ITSN1: variants seen among roughly 807,000 people sequenced by gnomAD.
ITSN1 encodes the protein intersectin-1.
Under a neutral mutation model 239.8 loss-of-function variants are expected in ITSN1, and 58 were observed. The ratio of observed to expected loss-of-function variants is 0.24; its 90% CI spans 0.20 to 0.30. The LOEUF is 0.30. Ranked by LOEUF, ITSN1 falls within the 10% of genes least tolerant of loss-of-function variation. ITSN1 has a pLI of 1.00. For missense variants in ITSN1, 1,558 were observed against 2,103.3 expected (o/e 0.74, Z 5.07); for synonymous variants, 780 against 770.8 (o/e 1.01, Z -0.20).
At chr21:33,804,724 G>C (rs1397754327) in intron 20 of ITSN1, among the ~76,000 whole-genome samples, 3 of 152,160 alleles carry the variant, frequency 2.0e-5, no homozygotes, top group Admixed American at 6.5e-5. Context: ...CTGTTTTGTT[G>C]AAGTTTATCT....
chr21:33,795,207 T>C (rs3787713), intron 17 of ITSN1, among the ~76,000 whole-genome samples: 56,039 of 152,088 alleles, frequency 0.37, 11,445 homozygotes, highest in Non-Finnish European at 0.47. Context: ...TCCCAGCACT[T>C]TGGGAGGCCG....
At chr21:33,712,173 C>T (rs2092436123) in intron 1 of ITSN1, among the ~76,000 whole-genome samples, 1 of 151,982 alleles carries the variant, frequency 6.6e-6, no homozygotes. Context: ...TTGGAGTTGG[C>T]ATCTGTTGAT....
chr21:33,705,513 G>A (rs565286759), intron 1 of ITSN1, among the ~76,000 whole-genome samples: 2 of 151,368 alleles, frequency 1.3e-5, no homozygotes, highest in African/African-American at 4.8e-5. Context: ...TCAGCTTCCC[G>A]AGTAGCTGCG....
chr21:33,893,613 T>C lies in ITSN1; in HGVS notation c.*5313T>C, dbSNP rs985367056. 5 of 152,148 alleles carry C rather than the reference T, an allele frequency of 3.3e-5. No homozygotes were observed. The highest frequency in any genetic ancestry group is 4.8e-5 in the African/African-American group (2 of 41,418). 9.4% of individuals were successfully genotyped at this position (152,148 alleles called of 1,614,324 possible). A position where few individuals can be genotyped will look rare whatever the true frequency, so the allele number is the denominator to read the frequency against. ...TCAAAACAAACAAAAAAAGAGCTAA[T>C]GCAGACCTCTTCTGGTTAGACCTGA... On this transcript the variant is annotated 3_prime_UTR_variant, in exon 40 of 40. Coordinates refer to ENST00000381318, the MANE Select transcript of ITSN1 (RefSeq NM_003024.3).
chr21:33,746,084 G>A (rs1050969946), intron 5 of ITSN1, among the ~76,000 whole-genome samples: 12 of 152,150 alleles, frequency 7.9e-5, no homozygotes, highest in South Asian at 2.1e-4. Context: ...GGTGCAATCC[G>A]TAAAAAGCCA....
intron 1 of ITSN1, among the ~76,000 whole-genome samples, chr21:33,654,187 C>T (rs1401507731): frequency 1.3e-5 from 2 of 151,528 alleles, no homozygotes; most frequent in Non-Finnish European, 2.9e-5. Context: ...GCTTTGACTA[C>T]AGCCACAGCC....
intron 16 of ITSN1, among the ~76,000 whole-genome samples, chr21:33,791,308 A>T (rs2071113371): frequency 6.6e-6 from 1 of 152,192 alleles, no homozygotes; most frequent in African/African-American, 2.4e-5. Context: ...AATCTGGATC[A>T]TAAGGTGCCA....
At chr21:33,693,572 G>GT (rs2091652932) in intron 1 of ITSN1, among the ~76,000 whole-genome samples, 1 of 152,112 alleles carries the variant, frequency 6.6e-6, no homozygotes, top group African/African-American at 2.4e-5. Flanking sequence ...GGTCAGGCTG[G>GT]TCTTGAACTC....
intron 21 of ITSN1, among the ~76,000 whole-genome samples, chr21:33,812,565 C>T (rs1415027299): frequency 6.6e-6 from 1 of 152,150 alleles, no homozygotes; most frequent in African/African-American, 2.4e-5. Context: ...GTGGCATGAC[C>T]ATGGCTCACA....
rs777085854 is a variant in ITSN1 at position 33,834,413 on chromosome 21, C to T, written c.3458C>T (p.Ala1153Val). The change falls in exon 28 of 40, where the codon GCA (alanine) becomes GTA (valine). Residue 1153 changes from alanine to valine, a missense_variant. By Grantham distance (64) the Ala-to-Val change is moderately conservative (BLOSUM62 0). Around this residue, in one of 2 missense-constraint regions of ITSN1, gnomAD observed 576 missense variants for 893.3 expected, o/e 0.64. Transcript: ENST00000381318. The stretch of plus-strand genomic sequence containing the variant: ...CCAACAGAGCCACCTAAGTCAACAG[C>T]ATTAGCGGCAGGTAAGGAGTTTCGC... The part of the protein sequence containing the change: ...ITPTEPPKST[A>V]LAAVCQVIGM... 4.3e-6 allele frequency: 7 copies of T among 1,609,612 alleles called. No homozygotes were observed. The highest frequency in any genetic ancestry group is 1.7e-5 in the Admixed American group (1 of 59,750).
chr21:33,728,254 C>T lies in ITSN1; in HGVS notation c.185+5603C>T, dbSNP rs527262695. Among the ~76,000 whole-genome samples, 86 of 152,004 alleles carry T rather than the reference C, an allele frequency of 5.7e-4. 2 individuals carry two copies. In the South Asian group the frequency reaches 9.0e-3, roughly 16 times the overall value. On this transcript the variant is annotated intron_variant, in intron 4 of 39. Transcript: ENST00000381318. ...TGCTGGGATTATAGGCATGAGCCAC[C>T]GCACCCGGCCAGGAATAATCTTTTG...
intron 1 of ITSN1, among the ~76,000 whole-genome samples, chr21:33,672,836 C>T (rs1020454017): frequency 5.3e-5 from 8 of 152,124 alleles, no homozygotes; most frequent in African/African-American, 1.7e-4. Context: ...CTCAGGCACC[C>T]GAGTAGCTGG....
At chr21:33,800,479 T>G (rs1569206559) in intron 19 of ITSN1, among the ~76,000 whole-genome samples, 2 of 152,176 alleles carry the variant, frequency 1.3e-5, no homozygotes, top group Admixed American at 6.5e-5. Context: ...TTTGTATCTT[T>G]GCATCAAAGC....
At chr21:33,823,187 C>A (rs1602450648) in intron 24 of ITSN1, among the ~76,000 whole-genome samples, 1 of 152,174 alleles carries the variant, frequency 6.6e-6, no homozygotes, top group African/African-American at 2.4e-5. Flanking sequence ...AATCATGATG[C>A]TAAATGGTAG....
At chr21:33,827,429 A>C (rs2074035230) in intron 26 of ITSN1, among the ~76,000 whole-genome samples, 1 of 152,076 alleles carries the variant, frequency 6.6e-6, no homozygotes. Context: ...AATAAAATAA[A>C]TATATAGATA....
At chr21:33,684,726 TATAAG>T (rs2146566088) in intron 1 of ITSN1, among the ~76,000 whole-genome samples, 1 of 152,248 alleles carries the variant, frequency 6.6e-6, no homozygotes, top group East Asian at 1.9e-4. Context: ...TCTTATGACA[TATAAG>T]AGAGAAAACA....
intron 1 of ITSN1, among the ~76,000 whole-genome samples, chr21:33,668,920 A>G (rs2090089024): frequency 6.6e-6 from 1 of 152,216 alleles, no homozygotes; most frequent in Non-Finnish European, 1.5e-5. Context: ...GAATATTTAA[A>G]GAAAATATGT....
intron 25 of ITSN1, among the ~76,000 whole-genome samples, 190 bp from the exon 26 acceptor site, chr21:33,826,628 A>G (rs2073987892): frequency 2.0e-5 from 3 of 152,154 alleles, no homozygotes; most frequent in Admixed American, 2.0e-4. Flanking sequence ...AGTAAAAGCC[A>G]CATGTTTTAA....
In ITSN1 at chr21:33,814,168, C is replaced by T. The variant is rs1012291620; in HGVS notation, c.2727+96C>T. On this transcript the variant is annotated intron_variant, in intron 22 of 39. Coordinates refer to ENST00000381318, the MANE Select transcript of ITSN1 (RefSeq NM_003024.3). ...TTGGCAATGTCATTTTGAAGCAAGC[C>T]TTGTTATGTGTGTCTTGGTTGGCTG... 415 of 1,206,718 alleles carry T rather than the reference C, an allele frequency of 3.4e-4. 3 individuals carry two copies. Among genetic ancestry groups the T allele is most frequent in the Middle Eastern group, 3.0e-4 (1 of 3,280 alleles). The allele number at this position is 1,206,718 out of a possible 1,614,324, so 74.8% of individuals were successfully genotyped here.
Sources: allele counts gnomAD v4.1 joint callset (sites outside exome capture counted in the v4.1 genomes callset), GRCh38; gene constraint gnomAD v4.1.1; regional missense constraint gnomAD v4.1.1; transcripts MANE v1.5; gene names NCBI Gene and HGNC (gene_info 2026-07-23, HGNC 2026-07-21).